Variants in TMTC2 observed in about 807,000 individuals in gnomAD.
TMTC2 encodes the protein protein O-mannosyl-transferase TMTC2.
TMTC2 carries 43 observed loss-of-function variants against 82.4 expected under a neutral mutation model. The ratio of observed to expected loss-of-function variants is 0.52; its 90% CI spans 0.41 to 0.67. The LOEUF (loss-of-function observed/expected upper bound fraction) is 0.67. Ranked by LOEUF, TMTC2 falls within the 30% of genes least tolerant of loss-of-function variation. TMTC2 has a pLI of 0.00. For synonymous variants in TMTC2, 408 were observed against 381.9 expected (o/e 1.07, Z -0.80); for missense variants, 919 against 1,012.4 (o/e 0.91, Z 1.25).
chr12:82,856,597 T>G (rs2137114545), intron 1 of TMTC2, among the ~76,000 whole-genome samples: 1 of 152,302 alleles, frequency 6.6e-6, no homozygotes, highest in East Asian at 1.9e-4. Flanking sequence ...TTAATTTATT[T>G]CTAGTAGGAG....
At chr12:82,993,972 A>T (rs758550110) in intron 8 of TMTC2, among the ~76,000 whole-genome samples, 2 of 147,182 alleles carry the variant, frequency 1.4e-5, no homozygotes, top group African/African-American at 2.7e-5. Context: ...TGCAGACAGG[A>T]TGCTTGGGTC....
intron 2 of TMTC2, among the ~76,000 whole-genome samples, chr12:82,864,826 A>C (rs1436754426): frequency 6.6e-6 from 1 of 151,620 alleles, no homozygotes; most frequent in Non-Finnish European, 1.5e-5. Context: ...TAAATAAAAA[A>C]CGTTTATTTT....
chr12:83,036,222 A>G (rs1259850883), intron 9 of TMTC2, among the ~76,000 whole-genome samples: 2 of 152,170 alleles, frequency 1.3e-5, no homozygotes, highest in Non-Finnish European at 2.9e-5. Flanking sequence ...TGCTAGATAT[A>G]GGGACACAGT....
intron 1 of TMTC2, among the ~76,000 whole-genome samples, chr12:82,837,558 A>C (rs1479707256): frequency 6.6e-6 from 1 of 152,174 alleles, no homozygotes; most frequent in African/African-American, 2.4e-5. Flanking sequence ...ACAAAGATTA[A>C]TTTGGCATTA....
chr12:82,818,778 C>A (rs564799182), intron 1 of TMTC2, among the ~76,000 whole-genome samples: 3 of 152,068 alleles, frequency 2.0e-5, no homozygotes, highest in Non-Finnish European at 4.4e-5. Flanking sequence ...GGGGCTTGTT[C>A]TGGAAACAGA....
At chr12:83,014,016 C>T (rs1447853804) in intron 8 of TMTC2, among the ~76,000 whole-genome samples, 1 of 152,162 alleles carries the variant, frequency 6.6e-6, no homozygotes, top group Non-Finnish European at 1.5e-5. Flanking sequence ...TTTGTCTTTT[C>T]TTCAAATTCA....
intron 9 of TMTC2, among the ~76,000 whole-genome samples, chr12:83,049,179 T>C (rs545022230): frequency 2.8e-4 from 42 of 152,320 alleles, no homozygotes; most frequent in African/African-American, 8.2e-4. Context: ...ACATGCATGA[T>C]ACACGTGTGG....
At chr12:82,690,201 A>G in intron 1 of TMTC2, 1 of 197,114 alleles carries the variant, frequency 5.1e-6, no homozygotes, top group Non-Finnish European at 9.2e-6. Context: ...GCCAAGTGTA[A>G]ACTGTAGGAT....
chr12:82,786,464 G>T (rs1878179480), intron 1 of TMTC2, among the ~76,000 whole-genome samples: 1 of 152,098 alleles, frequency 6.6e-6, no homozygotes, highest in African/African-American at 2.4e-5. Context: ...TTGACATAGA[G>T]ATCAGTGGTG....
At chr12:82,810,527 G>C (rs958999537) in intron 1 of TMTC2, among the ~76,000 whole-genome samples, 1 of 151,982 alleles carries the variant, frequency 6.6e-6, no homozygotes, top group Admixed American at 6.6e-5. Flanking sequence ...AATTGGGTCT[G>C]TAAGATCCTC....
intron 11 of TMTC2, among the ~76,000 whole-genome samples, chr12:83,131,156 C>T (rs953889325): frequency 5.9e-5 from 9 of 152,190 alleles, no homozygotes; most frequent in African/African-American, 1.9e-4. Context: ...AAAGTGTAAT[C>T]ATAGCATAAA....
intron 1 of TMTC2, among the ~76,000 whole-genome samples, chr12:82,731,895 A>T (rs1446598813): frequency 6.6e-6 from 1 of 152,214 alleles, no homozygotes; most frequent in Non-Finnish European, 1.5e-5. Flanking sequence ...TTCTTGATTA[A>T]TAGGAAGTTT....
intron 1 of TMTC2, among the ~76,000 whole-genome samples, chr12:82,815,283 AT>A (rs1202672719): frequency 7.8e-6 from 1 of 128,594 alleles, no homozygotes; most frequent in Non-Finnish European, 1.6e-5. Flanking sequence ...TCTTTTGCGC[AT>A]TTATTTTTTT....
chr12:82,718,816 A>ATTC (rs199992511), intron 1 of TMTC2, among the ~76,000 whole-genome samples: 15,373 of 151,920 alleles, frequency 0.1, 894 homozygotes, highest in East Asian at 0.23. Flanking sequence ...CCATAGGAAA[A>ATTC]TAGGAAGTTT....
At chr12:83,088,302 A>G (rs754879117) in intron 11 of TMTC2, among the ~76,000 whole-genome samples, 1 of 152,144 alleles carries the variant, frequency 6.6e-6, no homozygotes. Flanking sequence ...TGTCCAGACA[A>G]TTACATCTTT....
chr12:82,979,106 A>G lies in TMTC2; in HGVS notation c.1949-6819A>G, dbSNP rs188970087. Among the ~76,000 whole-genome samples the G allele has an allele frequency of 5.9e-4, 90 of 151,764 alleles. 1 individual carries two copies. The East Asian group carries it at 0.015, about 25-fold the overall frequency. ...GTAAAGTGTGTTTCTTGTATGCAAC[A>G]GATTGTTAGGTCTTTTTTTTCTTTT... is the stretch of plus-strand genomic sequence containing the variant. On this transcript the variant is annotated intron_variant, in intron 7 of 11. Transcript: ENST00000321196.
intron 4 of TMTC2, among the ~76,000 whole-genome samples, chr12:82,941,735 G>A (rs1876731426): frequency 6.6e-6 from 1 of 152,016 alleles, no homozygotes; most frequent in East Asian, 1.9e-4. Flanking sequence ...ACTGATGTGG[G>A]ATAATGATTT....
chr12:82,907,265 CA>C (rs1317241134), intron 3 of TMTC2, among the ~76,000 whole-genome samples: 2 of 151,740 alleles, frequency 1.3e-5, no homozygotes, highest in African/African-American at 4.8e-5. Flanking sequence ...AGTTCGAGAC[CA>C]GCCTGGCTAG....
At chr12:82,943,474 A>C (rs954367069) in intron 4 of TMTC2, among the ~76,000 whole-genome samples, 2 of 152,158 alleles carry the variant, frequency 1.3e-5, no homozygotes, top group Admixed American at 1.3e-4. Context: ...TTGTTGCACT[A>C]ATATGGTCAG....
Sources: gnomAD v4.1 joint callset for allele counts (sites outside exome capture counted in the v4.1 genomes callset) on GRCh38, gnomAD v4.1.1 for gene constraint, MANE v1.5 for transcripts, NCBI Gene and HGNC (gene_info 2026-07-23, HGNC 2026-07-21) for gene names.